The following CHIA variants were observed in gnomAD, a reference collection of about 807,000 sequenced individuals.
The protein encoded by CHIA is chitinase acidic, also known as acidic mammalian chitinase.
In CHIA, 47 loss-of-function variants were observed where a neutral mutation model predicts 53.5. The ratio of observed to expected loss-of-function variants is 0.88; its 90% confidence interval spans 0.70 to 1.12. CHIA has a LOEUF of 1.12. CHIA is among the 50% of genes most tolerant of loss of function. The probability of loss-of-function intolerance (pLI) is 0.00; values close to 1 mark genes in which losing one functional copy is unlikely to be tolerated. For synonymous variants in CHIA, 268 were observed against 222.2 expected (o/e 1.21, Z -1.83); for missense variants, 652 against 592.2 (o/e 1.10, Z -1.05).
In CHIA at chr1:111,317,998, C is replaced by T; in HGVS notation, c.618C>T (p.Tyr206=). The T allele has an allele frequency of 6.2e-7, 1 of 1,614,160 alleles. No individual in the cohort carries two copies. Among genetic ancestry groups the T allele is most frequent in the Non-Finnish European group, 8.5e-7 (1 of 1,180,020 alleles). ...EIPQLSQYLD[Y]IHVMTYDLHG... is the part of the protein sequence containing the mutation. ...CACCCCACCTCAGGTACCTGGACTA[C>T]ATCCATGTCATGACCTACGACCTCC... Residue 206 remains tyrosine, a synonymous_variant, in exon 8 of 12, where the codon TAC becomes TAT. Coordinates refer to ENST00000369740, the MANE Select transcript of CHIA (RefSeq NM_201653.4).
chr1:111,292,974 C>T (rs1661116075), intron 1 of CHIA, among the ~76,000 whole-genome samples: 1 of 151,980 alleles, frequency 6.6e-6, no homozygotes, highest in Non-Finnish European at 1.5e-5. Context: ...GTTTTGTTAT[C>T]CATTCATTCA....
intron 1 of CHIA, among the ~76,000 whole-genome samples, chr1:111,298,463 T>C (rs769677273): frequency 2.6e-5 from 4 of 152,142 alleles, no homozygotes; most frequent in Admixed American, 6.5e-5. Context: ...CACCACTACA[T>C]GGAAAGTGAA....
At chr1:111,303,360 G>A (rs1320741949) in intron 1 of CHIA, among the ~76,000 whole-genome samples, 1 of 151,686 alleles carries the variant, frequency 6.6e-6, no homozygotes, top group Non-Finnish European at 1.5e-5. Flanking sequence ...CTTTCTTTGT[G>A]GTTAGTTGAT....
chr1:111,294,562 G>A (rs1661228664), intron 1 of CHIA, among the ~76,000 whole-genome samples: 1 of 152,238 alleles, frequency 6.6e-6, no homozygotes, highest in South Asian at 2.1e-4. Flanking sequence ...TTGCCCAAAT[G>A]TTCTGGTTAA....
intron 6 of CHIA, chr1:111,316,702 G>A (rs2101649266): frequency 6.6e-6 from 1 of 152,290 alleles, no homozygotes; most frequent in Non-Finnish European, 1.5e-5. Context: ...TCAATCTGGA[G>A]TTCAGGACAA....
chr1:111,304,015 T>G (rs953975506), intron 1 of CHIA, among the ~76,000 whole-genome samples: 1 of 152,170 alleles, frequency 6.6e-6, no homozygotes, highest in African/African-American at 2.4e-5. Flanking sequence ...GAAAAAAGAT[T>G]TTTGGTTGAC....
intron 11 of CHIA, 114 bp from the exon 12 acceptor site, chr1:111,320,099 G>A (rs1649533070): frequency 5.7e-6 from 5 of 877,682 alleles, no homozygotes; most frequent in South Asian, 1.6e-5. Flanking sequence ...CAGGGATCCA[G>A]AGCCAACTGC....
intron 6 of CHIA, 79 bp from the exon 7 acceptor site, chr1:111,317,602 C>T (rs1381961990): frequency 4.0e-6 from 6 of 1,497,964 alleles, no homozygotes; most frequent in African/African-American, 2.8e-5. Flanking sequence ...AAGCATTATA[C>T]AGACATATGT....
In CHIA at chr1:111,312,190, G is replaced by T. The variant is rs1648733272; in HGVS notation, c.56G>T (p.Gly19Val). The change falls in exon 4 of 12, where the codon GGC (glycine) becomes GTC (valine). Residue 19 changes from glycine (G) to valine (V), a missense_variant and splice_region_variant. By Grantham distance (109) the Gly-to-Val change is moderately radical (BLOSUM62 -3). Coordinates refer to ENST00000369740, the MANE Select transcript of CHIA (RefSeq NM_201653.4). The stretch of plus-strand genomic sequence containing the variant: ...TGTCCCTCCTGCTGACTACACACAG[G>T]CTCTGCCTACCAGCTGACATGCTAC... ...GLVLILNLQL[G>V]SAYQLTCYFT... 14 of 1,613,534 alleles carry T rather than the reference G, an allele frequency of 8.7e-6. No homozygotes were observed. The highest frequency in any genetic ancestry group is 1.2e-5 in the Non-Finnish European group (14 of 1,179,512).
intron 1 of CHIA, among the ~76,000 whole-genome samples, chr1:111,291,690 G>A (rs1229759945): frequency 6.6e-6 from 1 of 151,804 alleles, no homozygotes; most frequent in East Asian, 1.9e-4. Flanking sequence ...TTTTTAAAAA[G>A]GGGGGAAAAA....
In CHIA at chr1:111,295,804, A is replaced by G. The variant is rs1661303744; in HGVS notation, c.-69+4854A>G. 4.6e-5 allele frequency among the ~76,000 whole-genome samples: 7 copies of G among 152,346 alleles called. No individual in the cohort carries two copies. In the South Asian group the frequency reaches 1.4e-3, roughly 32 times the overall value. On this transcript the variant is annotated intron_variant, in intron 1 of 11. Transcript: ENST00000369740. ...AGGCACTGGAGGATTTCCCTTTCCT[A>G]GCCAAGGGAAGCCATGGCAGACTGT... is the stretch of plus-strand genomic sequence containing the variant.
chr1:111,304,786 C>T (rs758901600), intron 1 of CHIA, among the ~76,000 whole-genome samples: 3 of 152,026 alleles, frequency 2.0e-5, no homozygotes, highest in Non-Finnish European at 4.4e-5. Context: ...GCTATACTTT[C>T]TTGTTCCTTT....
intron 6 of CHIA, chr1:111,316,730 G>C (rs1442295016): frequency 6.6e-6 from 1 of 152,032 alleles, no homozygotes; most frequent in African/African-American, 2.4e-5. Flanking sequence ...TGATATACTT[G>C]GTTTTTAGAC....
intron 2 of CHIA, among the ~76,000 whole-genome samples, chr1:111,310,755 C>T (rs12139473): frequency 0.13 from 20,044 of 152,140 alleles, 1,518 homozygotes; most frequent in African/African-American, 0.19. Context: ...TCTCCTAGTG[C>T]TAGTCTTACT....
At chr1:111,299,270 G>T (rs969376564) in intron 1 of CHIA, among the ~76,000 whole-genome samples, 2 of 152,042 alleles carry the variant, frequency 1.3e-5, no homozygotes, top group Non-Finnish European at 2.9e-5. Context: ...CCAAAGCCTG[G>T]CAGACACACC....
Position 111,319,363 on chromosome 1 carries a change from A to G in CHIA, c.1072A>G (p.Met358Val), listed in dbSNP as rs142800191. 71 of 1,614,130 alleles carry G rather than the reference A, an allele frequency of 4.4e-5. No individual in the cohort carries two copies. Among genetic ancestry groups the G allele is most frequent in the Non-Finnish European group, 5.8e-5 (69 of 1,180,046 alleles). Reference sequence around the variant, plus strand: ...TAAGCACAACAAATTTGGAGGCGCCATGGTCTGGGCCATTGATCTGGATGA... The same window carrying G: ...TAAGCACAACAAATTTGGAGGCGCCGTGGTCTGGGCCATTGATCTGGATGA... ...WLKHNKFGGA[M>V]VWAIDLDDFT... Residue 358 changes from methionine (M) to valine (V), a missense_variant, in exon 11 of 12, where the codon ATG (methionine) becomes GTG (valine). Met to Val is a conservative substitution (Grantham distance 21, BLOSUM62 1). Coordinates refer to ENST00000369740, the MANE Select transcript of CHIA (RefSeq NM_201653.4).
intron 2 of CHIA, 88 bp downstream of exon 2, chr1:111,310,580 C>T (rs1648588314): frequency 1.2e-6 from 2 of 1,601,160 alleles, no homozygotes; most frequent in African/African-American, 2.7e-5. Flanking sequence ...GGTCTTCATA[C>T]TACATCCCTA....
chr1:111,304,220 T>G (rs149886895), intron 1 of CHIA, among the ~76,000 whole-genome samples: 127 of 152,338 alleles, frequency 8.3e-4, no homozygotes, highest in African/African-American at 2.8e-3. Context: ...GTGGATTTCT[T>G]TGAGTTCATC....
At chr1:111,298,503 A>G (rs1368440293) in intron 1 of CHIA, among the ~76,000 whole-genome samples, 2 of 152,246 alleles carry the variant, frequency 1.3e-5, no homozygotes, top group Non-Finnish European at 2.9e-5. Flanking sequence ...TACTGGGTAA[A>G]TAACGAGATG....
Sources: gnomAD v4.1 joint callset for allele counts (sites outside exome capture counted in the v4.1 genomes callset) on GRCh38, gnomAD v4.1.1 for gene constraint, MANE v1.5 for transcripts, NCBI Gene and HGNC (gene_info 2026-07-23, HGNC 2026-07-21) for gene names.